Variants in DGKB observed in about 807,000 individuals in gnomAD.
The protein encoded by DGKB is 90 kDa diacylglycerol kinase.
A neutral mutation model predicts 114.3 loss-of-function variants in DGKB; 67 were observed. That is an observed-to-expected ratio of 0.59 (90% CI 0.48 to 0.72). The LOEUF is 0.72. Among genes scored for constraint, DGKB ranks in the 30% least tolerant of loss-of-function variants. The pLI is 0.00. For missense variants in DGKB, 907 were observed against 975.2 expected (o/e 0.93, Z 0.93); for synonymous variants, 398 against 323.1 (o/e 1.23, Z -2.49).
At chr7:14,153,162 C>G (rs1782477630) in intron 25 of DGKB, among the ~76,000 whole-genome samples, 1 of 152,082 alleles carries the variant, frequency 6.6e-6, no homozygotes, top group Non-Finnish European at 1.5e-5. Context: ...GATTAGTTTT[C>G]CAGACAGTAT....
intron 22 of DGKB, among the ~76,000 whole-genome samples, chr7:14,343,157 C>CCACACACACACACACACA (rs3067654): frequency 4.1e-4 from 55 of 132,918 alleles, no homozygotes; most frequent in Middle Eastern, 3.7e-3. Context: ...GCCTAGCTAT[C>CCACACACACACACACACA]CACACACACA....
Position 14,434,569 on chromosome 7 carries a change from CA to C in DGKB, c.1835+43591del, listed in dbSNP as rs1396332928. On this transcript the variant is annotated intron_variant, in intron 21 of 25. Transcript: ENST00000402815. The stretch of plus-strand genomic sequence containing the variant: ...AAAAGTAGCTCCTCCCATAGAGCCC[CA>C]GAAAGGAAAGCAGCTCATTGGACAC... 3.3e-5 allele frequency among the ~76,000 whole-genome samples: 5 copies of C among 152,238 alleles called. No homozygotes were observed. The East Asian group carries it at 9.7e-4, about 29-fold the overall frequency.
intron 8 of DGKB, 118 bp from the exon 9 acceptor site, chr7:14,694,312 A>T (rs1823433633): frequency 1.2e-6 from 1 of 853,148 alleles, no homozygotes. Flanking sequence ...CTGTCTTGCT[A>T]ACTCAGTACA....
chr7:14,754,392 A>G (rs1396218006), intron 3 of DGKB, among the ~76,000 whole-genome samples: 1 of 152,212 alleles, frequency 6.6e-6, no homozygotes, highest in Non-Finnish European at 1.5e-5. Context: ...CCATCTATAT[A>G]AAGGTATATT....
At chr7:14,514,174 A>C (rs1788409348) in intron 20 of DGKB, among the ~76,000 whole-genome samples, 1 of 152,114 alleles carries the variant, frequency 6.6e-6, no homozygotes, top group Non-Finnish European at 1.5e-5. Flanking sequence ...AATTATTTTT[A>C]TAATCTCTTT....
chr7:14,417,933 A>G (rs994862074), intron 21 of DGKB, among the ~76,000 whole-genome samples: 20 of 151,452 alleles, frequency 1.3e-4, no homozygotes, highest in African/African-American at 4.8e-4. Flanking sequence ...TTCATTATAC[A>G]CTAATTTGCT....
chr7:14,432,104 T>G (rs1339639588), intron 21 of DGKB, among the ~76,000 whole-genome samples: 1 of 152,202 alleles, frequency 6.6e-6, no homozygotes, highest in Non-Finnish European at 1.5e-5. Context: ...TAGACTTCAG[T>G]GTAACAGCAT....
chr7:14,912,534 G>A (rs117979273), intron 1 of DGKB, among the ~76,000 whole-genome samples: 2 of 152,238 alleles, frequency 1.3e-5, no homozygotes, highest in African/African-American at 2.4e-5. Flanking sequence ...GGAGGACCAC[G>A]CAGGAGGCTG....
At chr7:14,422,545 G>T (rs1826879764) in intron 21 of DGKB, among the ~76,000 whole-genome samples, 1 of 151,788 alleles carries the variant, frequency 6.6e-6, no homozygotes, top group African/African-American at 2.4e-5. Context: ...ATCATTCCAG[G>T]CTTTATTAAT....
At chr7:14,171,542 A>G (rs1161036935) in intron 25 of DGKB, among the ~76,000 whole-genome samples, 2 of 152,218 alleles carry the variant, frequency 1.3e-5, no homozygotes, top group African/African-American at 2.4e-5. Flanking sequence ...TCCAGAGGGA[A>G]GTGGCCCAAA....
At chr7:14,192,319 A>C (rs1342418468) in intron 23 of DGKB, among the ~76,000 whole-genome samples, 2 of 152,232 alleles carry the variant, frequency 1.3e-5, no homozygotes, top group East Asian at 3.8e-4. Flanking sequence ...ATAGGATAAT[A>C]GTGAACTCGC....
intron 2 of DGKB, among the ~76,000 whole-genome samples, chr7:14,814,512 G>T (rs1843846658): frequency 6.6e-6 from 1 of 152,026 alleles, no homozygotes; most frequent in South Asian, 2.1e-4. Flanking sequence ...TCTACAATAA[G>T]AATTTTTTAA....
intron 25 of DGKB, 51 bp from the exon 26 acceptor site, chr7:14,149,289 T>A: frequency 2.2e-6 from 3 of 1,351,462 alleles, no homozygotes; most frequent in South Asian, 1.2e-5. Context: ...AATCTCCAGA[T>A]AGATACAATA....
intron 2 of DGKB, among the ~76,000 whole-genome samples, chr7:14,800,720 G>A (rs545532405): frequency 6.6e-6 from 1 of 152,322 alleles, no homozygotes; most frequent in Non-Finnish European, 1.5e-5. Flanking sequence ...TACTGAACTG[G>A]AAGTTAAGAC....
At chr7:14,240,309 G>T (rs1436914883) in intron 23 of DGKB, among the ~76,000 whole-genome samples, 2 of 152,040 alleles carry the variant, frequency 1.3e-5, no homozygotes, top group Non-Finnish European at 2.9e-5. Flanking sequence ...TGTAGTACTT[G>T]TGAAAAGTCA....
chr7:14,630,298 C>T, intron 13 of DGKB, 30 bp from the exon 14 acceptor site: 3 of 1,533,972 alleles, frequency 2.0e-6, no homozygotes, highest in Non-Finnish European at 1.8e-6. Flanking sequence ...CATATGAAAG[C>T]TGAAAAAGAG....
chr7:14,631,049 C>G (rs1415222106), intron 13 of DGKB, among the ~76,000 whole-genome samples: 2 of 150,888 alleles, frequency 1.3e-5, no homozygotes, highest in Non-Finnish European at 3.0e-5. Context: ...CATGCTGGAA[C>G]GGGAGAAGAA....
At chr7:14,602,546 AG>A (rs1803742688) in intron 17 of DGKB, among the ~76,000 whole-genome samples, 1 of 152,158 alleles carries the variant, frequency 6.6e-6, no homozygotes, top group African/African-American at 2.4e-5. Context: ...GAATTTGTAA[AG>A]GGGCTTGAGG....
intron 2 of DGKB, among the ~76,000 whole-genome samples, chr7:14,784,285 T>C (rs1364478424): frequency 2.0e-5 from 3 of 152,166 alleles, no homozygotes; most frequent in Non-Finnish European, 4.4e-5. Flanking sequence ...TACATTCTTA[T>C]GTTATTAAAG....
Sources: allele counts gnomAD v4.1 joint callset (sites outside exome capture counted in the v4.1 genomes callset), GRCh38; gene constraint gnomAD v4.1.1; transcripts MANE v1.5; gene names NCBI Gene and HGNC (gene_info 2026-07-23, HGNC 2026-07-21).